GAPVD1: variants seen among roughly 807,000 people sequenced by gnomAD.
GAPVD1 encodes the protein GTPase activating protein and VPS9 domains 1, also known as GTPase-activating protein and VPS9 domain-containing protein 1.
In GAPVD1, 35 loss-of-function variants were observed where a neutral mutation model predicts 155.5. The ratio of observed to expected loss-of-function variants is 0.23; its 90% confidence interval spans 0.17 to 0.30. GAPVD1 has a LOEUF of 0.30. GAPVD1 is among the 10% of genes least tolerant of loss of function. The pLI, the probability that GAPVD1 is intolerant of heterozygous loss-of-function variation, is 1.00. For missense variants in GAPVD1, 1,429 were observed against 1,775.7 expected (o/e 0.80, Z 3.51); for synonymous variants, 636 against 619.7 (o/e 1.03, Z -0.39).
intron 15 of GAPVD1, chr9:125,335,376 CT>C (rs956190248): frequency 6.6e-3 from 2,636 of 399,016 alleles, no homozygotes; most frequent in Middle Eastern, 9.8e-3. Flanking sequence ...AAAATTTTTT[CT>C]TTTTTTTTTT....
intron 13 of GAPVD1, among the ~76,000 whole-genome samples, chr9:125,330,892 C>G (rs978575160): frequency 1.3e-5 from 2 of 152,120 alleles, no homozygotes; most frequent in South Asian, 2.1e-4. Flanking sequence ...TTGGTAAACA[C>G]ATTTAGATTT....
chr9:125,286,562 A>G (rs1284082870), intron 2 of GAPVD1, among the ~76,000 whole-genome samples: 1 of 152,138 alleles, frequency 6.6e-6, no homozygotes, highest in Non-Finnish European at 1.5e-5. Context: ...AGGTATGCCT[A>G]ATGTTAATTT....
intron 2 of GAPVD1, among the ~76,000 whole-genome samples, chr9:125,282,108 G>A (rs1214973956): frequency 1.3e-5 from 2 of 151,884 alleles, no homozygotes; most frequent in Non-Finnish European, 2.9e-5. Flanking sequence ...GTGAAACCCC[G>A]TCTCTACCAA....
intron 8 of GAPVD1, 142 bp from the exon 9 acceptor site, chr9:125,312,310 T>C: frequency 1.7e-6 from 1 of 575,948 alleles, no homozygotes; most frequent in Non-Finnish European, 2.9e-6. Flanking sequence ...TTGTTTTGTT[T>C]TGTTTTTTCT....
At chr9:125,295,198 T>A (rs1318643479) in intron 2 of GAPVD1, among the ~76,000 whole-genome samples, 1 of 152,114 alleles carries the variant, frequency 6.6e-6, no homozygotes, top group Non-Finnish European at 1.5e-5. Context: ...ATTGTTAGTT[T>A]GATGGTCATG....
rs764531486 is a variant in GAPVD1, at chr9:125,302,619, T to C, written c.822T>C (p.Tyr274=). The C allele has an allele frequency of 3.0e-5, 49 of 1,613,968 alleles. No homozygotes were observed. Among genetic ancestry groups the C allele is most frequent in the Admixed American group, 2.0e-4 (12 of 59,984 alleles). Residue 274 remains tyrosine (Y), a synonymous_variant, in exon 5 of 28, where the codon TAT becomes TAC. Coordinates refer to ENST00000297933, the MANE Select transcript of GAPVD1 (RefSeq NM_001282680.3). Reference sequence around the variant, plus strand: ...TTGGTTATCTCAAACAGAACACATATTGTTTTCCACATAGTTTAAGGTGGA... The same window carrying C: ...TTGGTTATCTCAAACAGAACACATACTGTTTTCCACATAGTTTAAGGTGGA... ...KFIGYLKQNT[Y]CFPHSLRWIV...
chr9:125,338,770 G>C (rs1847390058), intron 17 of GAPVD1, among the ~76,000 whole-genome samples: 1 of 152,098 alleles, frequency 6.6e-6, no homozygotes, highest in Non-Finnish European at 1.5e-5. Context: ...TGTCTTCCAG[G>C]CTTTGCCACT....
intron 8 of GAPVD1, among the ~76,000 whole-genome samples, chr9:125,310,901 G>A (rs1011454915): frequency 6.7e-6 from 1 of 149,648 alleles, no homozygotes; most frequent in Admixed American, 6.7e-5. Flanking sequence ...GTGCAATACT[G>A]CGATCTCGGC....
chr9:125,331,534 G>A lies in GAPVD1; in HGVS notation c.2174-392G>A, dbSNP rs1034010157. ...AATGTTAAAGCATTCAGATATGCTA[G>A]CCTTGTTTGAAGACCAGTTGGGGAC... On this transcript the variant is annotated intron_variant, in intron 13 of 27. Transcript: ENST00000297933. Among the ~76,000 whole-genome samples the A allele has an allele frequency of 3.9e-5, 6 of 152,296 alleles. No homozygotes were observed. In the East Asian group the frequency reaches 7.7e-4, roughly 20 times the overall value.
intron 15 of GAPVD1, among the ~76,000 whole-genome samples, chr9:125,334,831 C>G (rs937828787): frequency 6.6e-6 from 1 of 151,730 alleles, no homozygotes; most frequent in Non-Finnish European, 1.5e-5. Flanking sequence ...GATCCTGTTT[C>G]TTAGAGAAGC....
intron 2 of GAPVD1, among the ~76,000 whole-genome samples, chr9:125,288,385 C>T (rs1838060166): frequency 6.6e-6 from 1 of 152,190 alleles, no homozygotes; most frequent in Non-Finnish European, 1.5e-5. Context: ...GCTGGGATTA[C>T]AGGCTTGAGC....
chr9:125,323,618 T>C (rs531298465), intron 10 of GAPVD1, among the ~76,000 whole-genome samples, 180 bp from the exon 11 acceptor site: 1 of 152,314 alleles, frequency 6.6e-6, no homozygotes, highest in African/African-American at 2.4e-5. Flanking sequence ...TAATTTGTTA[T>C]TAGCACCTTA....
rs755188362 is a variant in GAPVD1 at position 125,278,378 on chromosome 9, G to A, written c.-150+9394G>A. ...TCTACTAAAAATACAAAAATTAGCC[G>A]GACGTGGTAGTGGGTGCTGGTAATC... On this transcript the variant is annotated intron_variant, in intron 2 of 27. Coordinates refer to ENST00000297933, the MANE Select transcript of GAPVD1 (RefSeq NM_001282680.3). Among the ~76,000 whole-genome samples, 8 of 151,980 alleles carry A rather than the reference G, an allele frequency of 5.3e-5. No homozygotes were observed. The South Asian group carries it at 6.2e-4, about 12-fold the overall frequency.
intron 17 of GAPVD1, among the ~76,000 whole-genome samples, chr9:125,338,692 TTGTC>T (rs1847378857): frequency 6.6e-6 from 1 of 152,234 alleles, no homozygotes; most frequent in Admixed American, 6.5e-5. Context: ...TCATTGCACT[TTGTC>T]AGGTAGCACA....
intron 2 of GAPVD1, among the ~76,000 whole-genome samples, chr9:125,271,523 T>C (rs906159743): frequency 1.3e-5 from 2 of 152,066 alleles, no homozygotes; most frequent in Middle Eastern, 3.2e-3. Context: ...CAAATACTTA[T>C]ATTTTTCGGA....
In GAPVD1 at chr9:125,307,461, G is replaced by C. The variant is rs1842032923; in HGVS notation, c.1165G>C (p.Glu389Gln). 1 of 1,611,240 alleles carries C rather than the reference G, an allele frequency of 6.2e-7. No homozygotes were observed. The highest frequency in any genetic ancestry group is 1.7e-5 in the Admixed American group (1 of 59,974). Residue 389 changes from glutamate to glutamine, a missense_variant, in exon 7 of 28, where the codon GAG (glutamate) becomes CAG (glutamine). By Grantham distance (29) the Glu-to-Gln change is conservative. This residue lies in a region of GAPVD1 where 628 missense variants were observed against 733.4 expected (regional missense o/e 0.86). Transcript: ENST00000297933. The stretch of plus-strand genomic sequence containing the variant: ...TGTTGTGATTGGGGGCCGTGCAGTG[G>C]AGACCCCTCCATTGTCTTCCGTCAA... The part of the protein sequence containing the change: ...LDVVIGGRAV[E>Q]TPPLSSVNLL...
At chr9:125,327,881 A>G (rs1352637663) in intron 12 of GAPVD1, among the ~76,000 whole-genome samples, 1 of 152,172 alleles carries the variant, frequency 6.6e-6, no homozygotes, top group Non-Finnish European at 1.5e-5. Flanking sequence ...CAGTTTCAGG[A>G]GTTAGACCCA....
In GAPVD1 at chr9:125,330,096, T is replaced by A; in HGVS notation, c.2051T>A (p.Met684Lys). The A allele has an allele frequency of 6.2e-7, 1 of 1,612,180 alleles. No homozygotes were observed. The highest frequency in any genetic ancestry group is 8.5e-7 in the Non-Finnish European group (1 of 1,179,138). The part of the protein sequence containing the change: ...QEIAGAAAEN[M>K]LGSLLCLPGS... ...TATACAGGTGCTGCAGCAGAGAACA[T>A]GTTAGGCAGTTTGCTGTGCCTCCCA... is the stretch of plus-strand genomic sequence containing the variant. Residue 684 changes from methionine (M) to lysine (K), a missense_variant, in exon 13 of 28, where the codon ATG becomes AAG. Physicochemically the swap from Met to Lys is moderately conservative, Grantham distance 95. Around this residue, in one of 4 missense-constraint regions of GAPVD1, gnomAD observed 699 missense variants for 826.0 expected, o/e 0.85. Transcript: ENST00000297933.
rs940829922 is a variant in GAPVD1 at position 125,362,996 on chromosome 9, G to A, written c.*250G>A. 1 of 237,970 alleles carries A rather than the reference G, an allele frequency of 4.2e-6. No homozygotes were observed. The highest frequency in any genetic ancestry group is 8.1e-6 in the Non-Finnish European group (1 of 123,970). 14.7% of individuals were successfully genotyped at this position (237,970 alleles called of 1,614,324 possible). A position where few individuals can be genotyped will look rare whatever the true frequency, so the allele number is the denominator to read the frequency against. Reference sequence around the variant, plus strand: ...AAGTAGAGACTAGTACTACAAAAAGGGACCACATTTTTCAAGTATTTCTAA... The same window carrying A: ...AAGTAGAGACTAGTACTACAAAAAGAGACCACATTTTTCAAGTATTTCTAA... On this transcript the variant is annotated 3_prime_UTR_variant, in exon 28 of 28. Coordinates refer to ENST00000297933, the MANE Select transcript of GAPVD1 (RefSeq NM_001282680.3).
Sources: allele counts gnomAD v4.1 joint callset (sites outside exome capture counted in the v4.1 genomes callset), GRCh38; gene constraint gnomAD v4.1.1; regional missense constraint gnomAD v4.1.1; transcripts MANE v1.5; gene names NCBI Gene and HGNC (gene_info 2026-07-23, HGNC 2026-07-21).